The following TBX5 variants were observed in gnomAD, a reference collection of about 807,000 sequenced individuals.
TBX5 encodes T-box transcription factor 5.
In TBX5, 8 loss-of-function variants were observed where a neutral mutation model predicts 51.1. The observed-to-expected ratio is 0.16, with a 90% confidence interval of 0.09 to 0.28. The LOEUF is 0.28. TBX5 is among the 10% of genes least tolerant of loss of function. TBX5 has a pLI of 1.00. For missense variants in TBX5, 589 were observed against 671.7 expected (o/e 0.88, Z 1.36); for synonymous variants, 302 against 266.4 (o/e 1.13, Z -1.30).
At chr12:114,394,958 C>G (rs1421070599) in intron 5 of TBX5, 65 bp from the exon 6 acceptor site, 1 of 1,543,534 alleles carries the variant, frequency 6.5e-7, no homozygotes, top group Non-Finnish European at 8.9e-7. Flanking sequence ...CAGATAAAAC[C>G]CTGCTCCCCG....
chr12:114,358,827 C>T (rs1258702556), intron 8 of TBX5, among the ~76,000 whole-genome samples: 2 of 151,542 alleles, frequency 1.3e-5, no homozygotes, highest in African/African-American at 2.4e-5. Flanking sequence ...GAAGACATTG[C>T]TATACTCAGC....
chr12:114,398,815 T>G, intron 4 of TBX5, 95 bp from the exon 5 acceptor site: 1 of 1,457,144 alleles, frequency 6.9e-7, no homozygotes, highest in Non-Finnish European at 9.4e-7. Context: ...CAGGTGAGGG[T>G]TGTTGAGTAG....
chr12:114,359,390 C>T (rs1333585028), intron 8 of TBX5, among the ~76,000 whole-genome samples: 1 of 152,032 alleles, frequency 6.6e-6, no homozygotes, highest in African/African-American at 2.4e-5. Flanking sequence ...TTTGAGAGCC[C>T]AATAACTGTT....
At chr12:114,369,598 G>A (rs952788172) in intron 7 of TBX5, among the ~76,000 whole-genome samples, 21 of 152,174 alleles carry the variant, frequency 1.4e-4, no homozygotes, top group African/African-American at 4.3e-4. Flanking sequence ...TTTTCACAGA[G>A]CTCATCCATG....
rs148619299 is a variant in TBX5 at position 114,368,030 on chromosome 12, A to G, written c.756-1639T>C. Among the ~76,000 whole-genome samples, 1,043 of 152,296 alleles carry G rather than the reference A, an allele frequency of 6.8e-3. 9 individuals are homozygous for G. Among genetic ancestry groups the G allele is most frequent in the African/African-American group, 0.024 (990 of 41,548 alleles). On this transcript the variant is annotated intron_variant, in intron 7 of 8. Transcript: ENST00000405440. ...CATGTGTCAGTAAATCCCAAACTTC[A>G]GTCAGACACAATTTTCACCATGACA...
chr12:114,362,196 T>C (rs1869279677), intron 8 of TBX5, among the ~76,000 whole-genome samples: 1 of 152,178 alleles, frequency 6.6e-6, no homozygotes, highest in Non-Finnish European at 1.5e-5. Context: ...TCAATGGGTC[T>C]CTGGTGCCAA....
chr12:114,378,971 C>G (rs1470526143), intron 7 of TBX5, among the ~76,000 whole-genome samples: 1 of 152,212 alleles, frequency 6.6e-6, no homozygotes, highest in African/African-American at 2.4e-5. Flanking sequence ...GTGGCTTCCA[C>G]TTCCGTGAGA....
intron 8 of TBX5, among the ~76,000 whole-genome samples, chr12:114,359,839 GTAA>G (rs1164470432): frequency 1.2e-4 from 18 of 152,278 alleles, no homozygotes; most frequent in Middle Eastern, 3.4e-3. Flanking sequence ...TTTAATTGAG[GTAA>G]TAATGAGGGC....
Position 114,355,744 on chromosome 12 carries a change from G to A in TBX5, c.1345C>T (p.Gln449Ter), listed in dbSNP as rs1868854546. The A allele has an allele frequency of 6.2e-7, 1 of 1,614,160 alleles. No homozygotes were observed. Among genetic ancestry groups the A allele is most frequent in the South Asian group, 1.1e-5 (1 of 91,084 alleles). ...LAGMANHGSP[Q>*]LGEGMFQHQT... The stretch of plus-strand genomic sequence containing the variant: ...TGCTGGAACATTCCCTCTCCCAGCT[G>A]TGGGGAGCCATGGTTGGCCATGCCA... The change falls in exon 9 of 9, where the codon CAG becomes TAG. Residue 449 changes from glutamine (Q) to a stop codon, truncating the protein, a stop_gained. Coordinates refer to ENST00000405440, the MANE Select transcript of TBX5 (RefSeq NM_181486.4). LOFTEE classifies it high-confidence loss of function.
intron 7 of TBX5, among the ~76,000 whole-genome samples, chr12:114,378,410 G>A (rs1352999215): frequency 6.6e-6 from 1 of 152,202 alleles, no homozygotes; most frequent in African/African-American, 2.4e-5. Context: ...TCCAAACTGT[G>A]TGACCTTGGG....
At chr12:114,397,695 C>G (rs1871511689) in intron 5 of TBX5, among the ~76,000 whole-genome samples, 1 of 152,168 alleles carries the variant, frequency 6.6e-6, no homozygotes, top group African/African-American at 2.4e-5. Context: ...TCTCTTGGGT[C>G]CAATCCAGAC....
upstream of TBX5, among the ~76,000 whole-genome samples, chr12:114,406,851 T>G (rs1039536696): frequency 9.4e-6 from 1 of 106,256 alleles, no homozygotes. Context: ...CTGAGATGTA[T>G]TTTTTTTTTT....
intron 6 of TBX5, among the ~76,000 whole-genome samples, chr12:114,388,216 G>T (rs1442851569): frequency 6.6e-6 from 1 of 152,148 alleles, no homozygotes; most frequent in Non-Finnish European, 1.5e-5. Flanking sequence ...GGAGTGCACT[G>T]GCACGATCTC....
chr12:114,391,974 G>A (rs1871166948), intron 6 of TBX5, among the ~76,000 whole-genome samples: 1 of 152,130 alleles, frequency 6.6e-6, no homozygotes, highest in Admixed American at 6.6e-5. Flanking sequence ...TCTCCCGGAT[G>A]TCAAGGAATC....
intron 4 of TBX5, 55 bp downstream of exon 4, chr12:114,399,457 TG>T (rs1871654213): frequency 3.1e-6 from 5 of 1,613,002 alleles, no homozygotes; most frequent in Middle Eastern, 1.6e-4. Flanking sequence ...TTCAACTTTT[TG>T]GGAGAAGGTT....
At chr12:114,367,238 AAAG>A (rs1368558844) in intron 7 of TBX5, among the ~76,000 whole-genome samples, 1 of 121,614 alleles carries the variant, frequency 8.2e-6, no homozygotes, top group African/African-American at 3.4e-5. Context: ...AAGAAAGAAA[AAAG>A]AAACAAAAAA....
intron 6 of TBX5, among the ~76,000 whole-genome samples, chr12:114,388,451 C>T (rs1408484560): frequency 6.6e-6 from 1 of 152,006 alleles, no homozygotes. Context: ...GCCACCATGC[C>T]CAGCTGAGCC....
chr12:114,398,264 T>A (rs750337180), intron 5 of TBX5, among the ~76,000 whole-genome samples: 1 of 151,728 alleles, frequency 6.6e-6, no homozygotes, highest in Non-Finnish European at 1.5e-5. Context: ...GAGGGGCAGA[T>A]GTCTGTGTAG....
intron 7 of TBX5, among the ~76,000 whole-genome samples, chr12:114,379,638 C>CT (rs1385892381): frequency 1.3e-5 from 2 of 152,150 alleles, no homozygotes; most frequent in East Asian, 3.9e-4. Flanking sequence ...TAATGACTTC[C>CT]TTTTTACAGA....
Sources: gnomAD v4.1 joint callset for allele counts (sites outside exome capture counted in the v4.1 genomes callset) on GRCh38, gnomAD v4.1.1 for gene constraint, MANE v1.5 for transcripts, NCBI Gene and HGNC (gene_info 2026-07-23, HGNC 2026-07-21) for gene names.